Variants in CFH observed in about 807,000 individuals in gnomAD.
The protein encoded by CFH is H factor 1 (complement).
CFH carries 53 observed loss-of-function variants against 147.3 expected under a neutral mutation model. The observed-to-expected ratio is 0.36, with a 90% CI of 0.29 to 0.45. The LOEUF (loss-of-function observed/expected upper bound fraction) is 0.45. Ranked by LOEUF, CFH falls within the 20% of genes least tolerant of loss-of-function variation. The pLI is 1.00. For missense variants in CFH, 1,380 were observed against 1,498.0 expected (o/e 0.92, Z 1.30); for synonymous variants, 536 against 489.4 (o/e 1.10, Z -1.26).
intron 1 of CFH, among the ~76,000 whole-genome samples, chr1:196,659,158 A>G (rs1666822583): frequency 1.3e-5 from 2 of 152,206 alleles, no homozygotes; most frequent in Non-Finnish European, 2.9e-5. Context: ...TTGTACATAC[A>G]TGCTGAGAGT....
chr1:196,736,647 T>C (rs1256545439), intron 15 of CFH, among the ~76,000 whole-genome samples, 177 bp from the exon 16 acceptor site: 3 of 151,844 alleles, frequency 2.0e-5, no homozygotes, highest in African/African-American at 7.2e-5. Flanking sequence ...CTGAAAAGTA[T>C]AATATTTGCA....
intron 2 of CFH, 155 bp downstream of exon 2, chr1:196,673,318 G>T (rs1667346995): frequency 1.4e-6 from 1 of 739,156 alleles, no homozygotes; most frequent in Non-Finnish European, 2.2e-6. Flanking sequence ...ATGGAGTCTG[G>T]CTCTGTCACC....
intron 6 of CFH, among the ~76,000 whole-genome samples, chr1:196,684,702 C>G (rs1667766032): frequency 6.6e-6 from 1 of 151,948 alleles, no homozygotes. Context: ...GAAAGAAACA[C>G]TGAATATTTG....
In CFH at chr1:196,689,688, A is replaced by G. The variant is rs908646127; in HGVS notation, c.1159+74A>G. The G allele has an allele frequency of 6.7e-6, 10 of 1,490,490 alleles. 1 individual carries two copies. The highest frequency in any genetic ancestry group is 1.4e-5 in the African/African-American group (1 of 72,242). 92.3% of individuals were successfully genotyped at this position (1,490,490 alleles called of 1,614,324 possible). On this transcript the variant is annotated intron_variant, in intron 8 of 21. Coordinates refer to ENST00000367429, the MANE Select transcript of CFH (RefSeq NM_000186.4). ...TCGAAGAAAGGAGAGCACATAAGTG[A>G]TTACACCTGTCTTATGTAACAGAAA...
At position 196,713,727 on chromosome 1, in the gene CFH, C is replaced by T. The variant is rs370377038; in HGVS notation, c.1337-8C>T. 4 of 1,538,180 alleles carry T rather than the reference C, an allele frequency of 2.6e-6. 1 individual carries two copies. In the South Asian group the frequency reaches 3.4e-5, roughly 13 times the overall value. On this transcript the variant is annotated splice_region_variant and splice_polypyrimidine_tract_variant and intron_variant, in intron 9 of 21. Transcript: ENST00000367429. Reference sequence around the variant, plus strand: ...TGCTTGTCTTTTTCTTATTCTCTTCCCTTTTAGAAACATGTTCCAAATCAA... The same window carrying T: ...TGCTTGTCTTTTTCTTATTCTCTTCTCTTTTAGAAACATGTTCCAAATCAA...
At chr1:196,714,658 TATATATATATAGAGAGAGAGAGAG>T (rs1380173772) in intron 10 of CFH, among the ~76,000 whole-genome samples, 14 of 47,472 alleles carry the variant, frequency 2.9e-4, no homozygotes, top group Non-Finnish European at 5.5e-4. Context: ...TATATATATA[TATATATATATAGAGAGAGAGAGAG>T]AGAGAGAGAG....
intron 9 of CFH, among the ~76,000 whole-genome samples, chr1:196,707,860 T>C (rs539064658): frequency 3.1e-4 from 47 of 152,314 alleles, no homozygotes; most frequent in African/African-American, 9.9e-4. Context: ...AATTATTTTA[T>C]ATAAAAAGGT....
At chr1:196,740,914 A>G in intron 18 of CFH, 122 bp downstream of exon 18, 1 of 1,009,028 alleles carries the variant, frequency 9.9e-7, no homozygotes, top group South Asian at 1.4e-5. Context: ...AATATTCTGG[A>G]CTGCTGTGGG....
At chr1:196,731,631 C>T (rs1669282389) in intron 15 of CFH, among the ~76,000 whole-genome samples, 1 of 152,008 alleles carries the variant, frequency 6.6e-6, no homozygotes. Context: ...TTAGCATCCT[C>T]TTCTTTCACC....
At chr1:196,701,017 A>G (rs1558167672) in intron 9 of CFH, among the ~76,000 whole-genome samples, 1 of 152,058 alleles carries the variant, frequency 6.6e-6, no homozygotes, top group Non-Finnish European at 1.5e-5. Context: ...TCTAGGTAGG[A>G]ACTTATTTGA....
chr1:196,681,452 T>C (rs2149083130), intron 6 of CFH, among the ~76,000 whole-genome samples: 1 of 148,356 alleles, frequency 6.7e-6, no homozygotes, highest in Non-Finnish European at 1.5e-5. Context: ...TTCTTGCTTC[T>C]CTTGAACACT....
chr1:196,677,216 T>G, intron 4 of CFH: 1 of 364,444 alleles, frequency 2.7e-6, no homozygotes, highest in South Asian at 3.7e-5. Flanking sequence ...AATACTAGTT[T>G]GTTACTACAA....
intron 11 of CFH, among the ~76,000 whole-genome samples, chr1:196,723,968 G>T (rs35612319): frequency 6.6e-6 from 1 of 151,968 alleles, no homozygotes; most frequent in Non-Finnish European, 1.5e-5. Flanking sequence ...GTGCCCAAGC[G>T]CTGGGACCAT....
intron 9 of CFH, among the ~76,000 whole-genome samples, chr1:196,692,811 TTTCTTTCTTTC>T (rs1558163815): frequency 0.046 from 3,625 of 78,164 alleles, 316 homozygotes; most frequent in East Asian, 0.15. Flanking sequence ...TCTTTCTTTC[TTTCTTTCTTTC>T]TCTTTCCTTC....
chr1:196,688,193 C>A (rs1019375275), intron 7 of CFH, among the ~76,000 whole-genome samples: 1 of 151,772 alleles, frequency 6.6e-6, no homozygotes, highest in East Asian at 1.9e-4. Context: ...ACTAGATAAT[C>A]TACAAATAAT....
rs371867546 is a variant in CFH, at chr1:196,746,869, G to A, written c.3494-242G>A. On this transcript the variant is annotated intron_variant, in intron 21 of 21. Coordinates refer to ENST00000367429, the MANE Select transcript of CFH (RefSeq NM_000186.4). The stretch of plus-strand genomic sequence containing the variant: ...ACGCAGGGATCCTAAAATGACAACT[G>A]ATGTAATGAATCATTGATAATACAC... 3.3e-5 allele frequency among the ~76,000 whole-genome samples: 5 copies of A among 152,142 alleles called. No homozygotes were observed. In the South Asian group the frequency reaches 8.3e-4, roughly 25 times the overall value.
intron 11 of CFH, among the ~76,000 whole-genome samples, chr1:196,720,494 A>T (rs1395132441): frequency 6.6e-6 from 1 of 151,952 alleles, no homozygotes; most frequent in African/African-American, 2.4e-5. Flanking sequence ...GTCCATATGT[A>T]CGCATTATTT....
At chr1:196,712,689 A>C (rs1314016564) in intron 9 of CFH, among the ~76,000 whole-genome samples, 4 of 151,492 alleles carry the variant, frequency 2.6e-5, no homozygotes, top group Admixed American at 1.3e-4. Flanking sequence ...ATATGTATAC[A>C]TGTGCCATGC....
chr1:196,706,480 C>A (rs74918054), intron 9 of CFH, among the ~76,000 whole-genome samples: 1 of 151,750 alleles, frequency 6.6e-6, no homozygotes, highest in Admixed American at 6.6e-5. Context: ...CTTCCTAATG[C>A]CATTAATCCC....
Sources: allele counts gnomAD v4.1 joint callset (sites outside exome capture counted in the v4.1 genomes callset), GRCh38; gene constraint gnomAD v4.1.1; transcripts MANE v1.5; gene names NCBI Gene and HGNC (gene_info 2026-07-23, HGNC 2026-07-21).